The following HS6ST3 variants were observed in gnomAD, a reference collection of about 807,000 sequenced individuals.
The protein encoded by HS6ST3 is heparan sulfate 6-O-sulfotransferase 3.
Under a neutral mutation model 36.7 loss-of-function variants are expected in HS6ST3, and 12 were observed. The ratio of observed to expected loss-of-function variants is 0.33; its 90% confidence interval spans 0.21 to 0.53. The LOEUF (loss-of-function observed/expected upper bound fraction) is 0.53. Among genes scored for constraint, HS6ST3 ranks in the 20% least tolerant of loss-of-function variants. The pLI, the probability that HS6ST3 is intolerant of heterozygous loss-of-function variation, is 0.95. For missense variants in HS6ST3, 584 were observed against 640.9 expected (o/e 0.91, Z 0.96); for synonymous variants, 240 against 257.5 (o/e 0.93, Z 0.65).
In HS6ST3 at chr13:96,091,237, G is replaced by T; in HGVS notation, c.375G>T (p.Pro125=). 7.5e-6 allele frequency: 12 copies of T among 1,594,120 alleles called. No individual in the cohort carries two copies. In the South Asian group the frequency reaches 1.4e-4, roughly 18 times the overall value. The change falls in exon 1 of 2, where the codon CCG becomes CCT. Residue 125 remains proline, a synonymous_variant. Transcript: ENST00000376705. Reference sequence around the variant, plus strand: ...ACGGCTCCCTGCCCCGATTCGTGCCGCGCTTCAACTTCAGCCTGAAGGACC... The same window carrying T: ...ACGGCTCCCTGCCCCGATTCGTGCCTCGCTTCAACTTCAGCCTGAAGGACC... The part of the protein sequence containing the change: ...PENGSLPRFV[P]RFNFSLKDLT...
In HS6ST3 at chr13:96,837,753, C is replaced by G. The variant is rs1878965049; in HGVS notation, c.*4555C>G. 1 of 151,830 alleles carries G rather than the reference C, an allele frequency of 6.6e-6. No homozygotes were observed. The highest frequency in any genetic ancestry group is 2.4e-5 in the African/African-American group (1 of 41,286). The allele number at this position is 151,830 out of a possible 1,614,324, so 9.4% of individuals were successfully genotyped here. ...ACTTCTAGCAGGTTGTCTACTCCAT[C>G]CAACTCAAAACCTATTCAATATGAA... is the stretch of plus-strand genomic sequence containing the variant. On this transcript the variant is annotated 3_prime_UTR_variant, in exon 2 of 2. Transcript: ENST00000376705.
At chr13:96,102,680 C>T (rs552989373) in intron 1 of HS6ST3, among the ~76,000 whole-genome samples, 1 of 152,272 alleles carries the variant, frequency 6.6e-6, no homozygotes, top group Admixed American at 6.5e-5. Flanking sequence ...TTAGGCTTTA[C>T]TATCATTGTA....
intron 1 of HS6ST3, among the ~76,000 whole-genome samples, chr13:96,384,660 A>G (rs933996474): frequency 1.2e-4 from 18 of 152,136 alleles, no homozygotes; most frequent in Non-Finnish European, 2.4e-4. Flanking sequence ...GTTCAGTAAC[A>G]TGGAACTCAG....
chr13:96,314,757 G>A (rs1353947278), intron 1 of HS6ST3, among the ~76,000 whole-genome samples: 1 of 152,124 alleles, frequency 6.6e-6, no homozygotes, highest in Non-Finnish European at 1.5e-5. Flanking sequence ...TATTGTTTGA[G>A]GTTATGTACA....
At chr13:96,360,521 G>C (rs1925106) in intron 1 of HS6ST3, among the ~76,000 whole-genome samples, 1 of 151,778 alleles carries the variant, frequency 6.6e-6, no homozygotes, top group African/African-American at 2.4e-5. Flanking sequence ...ATCACCCACT[G>C]TCAGAAATAG....
intron 1 of HS6ST3, among the ~76,000 whole-genome samples, chr13:96,273,940 C>A: frequency 7.9e-6 from 1 of 127,242 alleles, no homozygotes; most frequent in African/African-American, 2.9e-5. Flanking sequence ...TCCCTCCCTC[C>A]CTCCCTCCCT....
chr13:96,485,163 A>G (rs866268599), intron 1 of HS6ST3, among the ~76,000 whole-genome samples: 17 of 152,306 alleles, frequency 1.1e-4, no homozygotes, highest in African/African-American at 4.1e-4. Context: ...TGAATCCTGT[A>G]TATCAAGCTG....
rs898821605 is a variant in HS6ST3 at position 96,831,551 on chromosome 13, T to C, written c.708-939T>C. Reference sequence around the variant, plus strand: ...ATCTGTGCAAAGCATCCATAAAGCATGTAGCACAGTTCCTAACACATTGTA... The same window carrying C: ...ATCTGTGCAAAGCATCCATAAAGCACGTAGCACAGTTCCTAACACATTGTA... On this transcript the variant is annotated intron_variant, in intron 1 of 1. Coordinates refer to ENST00000376705, the MANE Select transcript of HS6ST3 (RefSeq NM_153456.4). Among the ~76,000 whole-genome samples, 3 of 152,166 alleles carry C rather than the reference T, an allele frequency of 2.0e-5. No individual in the cohort carries two copies. The East Asian group carries it at 5.8e-4, about 29-fold the overall frequency.
At chr13:96,793,833 A>G (rs780955467) in intron 1 of HS6ST3, among the ~76,000 whole-genome samples, 2 of 152,006 alleles carry the variant, frequency 1.3e-5, no homozygotes, top group Non-Finnish European at 2.9e-5. Flanking sequence ...TATACAATCA[A>G]TTCTCAGAAG....
intron 1 of HS6ST3, among the ~76,000 whole-genome samples, chr13:96,303,605 G>A (rs1284477368): frequency 6.6e-6 from 1 of 152,134 alleles, no homozygotes; most frequent in African/African-American, 2.4e-5. Context: ...GAACATTCTG[G>A]ACAAGGGTAG....
At chr13:96,227,470 C>T (rs2054486492) in intron 1 of HS6ST3, among the ~76,000 whole-genome samples, 1 of 152,178 alleles carries the variant, frequency 6.6e-6, no homozygotes, top group Admixed American at 6.5e-5. Context: ...TCTACATCTC[C>T]CGTTGTTTGA....
chr13:96,779,973 G>T (rs1877484727), intron 1 of HS6ST3, among the ~76,000 whole-genome samples: 1 of 152,114 alleles, frequency 6.6e-6, no homozygotes, highest in African/African-American at 2.4e-5. Context: ...GCCTTGGCTT[G>T]ATCCTGTCAG....
At chr13:96,739,475 C>A (rs1342607878) in intron 1 of HS6ST3, among the ~76,000 whole-genome samples, 1 of 152,058 alleles carries the variant, frequency 6.6e-6, no homozygotes, top group East Asian at 1.9e-4. Context: ...CTCACTTTCC[C>A]CCAAAATATC....
At chr13:96,486,404 T>C (rs1267205475) in intron 1 of HS6ST3, among the ~76,000 whole-genome samples, 3 of 152,166 alleles carry the variant, frequency 2.0e-5, no homozygotes, top group Non-Finnish European at 4.4e-5. Context: ...CTGGGTCAAA[T>C]GGTATTTCTA....
At chr13:96,450,307 C>T (rs1404351893) in intron 1 of HS6ST3, among the ~76,000 whole-genome samples, 1 of 152,102 alleles carries the variant, frequency 6.6e-6, no homozygotes, top group African/African-American at 2.4e-5. Flanking sequence ...CTGGTATTTG[C>T]CATAGGAACT....
chr13:96,775,501 T>C (rs1427081510), intron 1 of HS6ST3, among the ~76,000 whole-genome samples: 1 of 143,760 alleles, frequency 7.0e-6, no homozygotes, highest in Admixed American at 7.1e-5. Context: ...ACCAAGCACA[T>C]GGAAGGCAAA....
chr13:96,185,214 C>A (rs115395406), intron 1 of HS6ST3, among the ~76,000 whole-genome samples: 6 of 152,290 alleles, frequency 3.9e-5, no homozygotes, highest in South Asian at 2.1e-4. Flanking sequence ...CTAAGTTTGT[C>A]CATCACATAG....
intron 1 of HS6ST3, among the ~76,000 whole-genome samples, chr13:96,633,197 A>G (rs1398304164): frequency 6.6e-6 from 1 of 152,166 alleles, no homozygotes; most frequent in African/African-American, 2.4e-5. Flanking sequence ...GGACTTCGGC[A>G]TGGAAAGGCA....
chr13:96,759,105 A>G (rs955714038), intron 1 of HS6ST3, among the ~76,000 whole-genome samples: 2 of 151,832 alleles, frequency 1.3e-5, no homozygotes, highest in Non-Finnish European at 3.0e-5. Context: ...TTACATTGAT[A>G]TATTACTACC....
Sources: gnomAD v4.1 joint callset for allele counts (sites outside exome capture counted in the v4.1 genomes callset) on GRCh38, gnomAD v4.1.1 for gene constraint, MANE v1.5 for transcripts, NCBI Gene and HGNC (gene_info 2026-07-23, HGNC 2026-07-21) for gene names.